Variants in DENND1A observed in about 807,000 individuals in gnomAD.
DENND1A encodes DENN domain containing 1A, also known as DENN domain-containing protein 1A.
In DENND1A, 51 loss-of-function variants were observed where a neutral mutation model predicts 113.7. That is an observed-to-expected ratio of 0.45 (90% CI 0.36 to 0.57). The LOEUF is 0.57. Among genes scored for constraint, DENND1A ranks in the 20% least tolerant of loss-of-function variants. The probability of loss-of-function intolerance (pLI) is 0.00; values close to 1 mark genes in which losing one functional copy is unlikely to be tolerated. For synonymous variants in DENND1A, 565 were observed against 570.8 expected, an observed-to-expected ratio of 0.99 and a Z score of 0.14; for missense variants, 1,258 against 1,395.9, an observed-to-expected ratio of 0.90 and a Z score of 1.57.
chr9:123,623,703 C>T (rs969672604), intron 10 of DENND1A, among the ~76,000 whole-genome samples: 41 of 152,178 alleles, frequency 2.7e-4, no homozygotes, highest in African/African-American at 9.9e-4. Context: ...ATTGGTCCTC[C>T]ACATAATGGT....
chr9:123,864,977 A>C (rs1046720780), intron 2 of DENND1A, among the ~76,000 whole-genome samples: 27 of 152,090 alleles, frequency 1.8e-4, no homozygotes, highest in African/African-American at 6.0e-4. Context: ...ATATTCTTAG[A>C]CTGAGCATGA....
intron 2 of DENND1A, among the ~76,000 whole-genome samples, chr9:123,823,675 T>C (rs895979484): frequency 3.3e-5 from 5 of 152,142 alleles, no homozygotes; most frequent in African/African-American, 1.2e-4. Flanking sequence ...AAATGAAATA[T>C]AAGATTAGCT....
intron 5 of DENND1A, among the ~76,000 whole-genome samples, chr9:123,693,565 C>T (rs543159749): frequency 6.6e-6 from 1 of 151,968 alleles, no homozygotes; most frequent in South Asian, 2.1e-4. Context: ...CAGTACATAG[C>T]CTTTTAAGTC....
chr9:123,693,833 A>ATTATT (rs1554962972), intron 5 of DENND1A, among the ~76,000 whole-genome samples: 21 of 147,470 alleles, frequency 1.4e-4, no homozygotes, highest in Admixed American at 2.0e-4. Flanking sequence ...TATTATTATT[A>ATTATT]TTATTATTAT....
At chr9:123,900,853 T>C (rs1355511545) in intron 1 of DENND1A, among the ~76,000 whole-genome samples, 1 of 152,246 alleles carries the variant, frequency 6.6e-6, no homozygotes, top group South Asian at 2.1e-4. Flanking sequence ...TCTCTGTGAC[T>C]TTCTCATCTG....
chr9:123,606,431 C>T (rs2060157731), intron 11 of DENND1A, among the ~76,000 whole-genome samples: 2 of 152,198 alleles, frequency 1.3e-5, no homozygotes, highest in Admixed American at 1.3e-4. Context: ...TCCCTTAACG[C>T]CCTTCAAAGG....
chr9:123,831,007 G>A (rs1467386058), intron 2 of DENND1A, among the ~76,000 whole-genome samples: 1 of 150,926 alleles, frequency 6.6e-6, no homozygotes, highest in African/African-American at 2.4e-5. Flanking sequence ...AGGATTAGAA[G>A]AGGAAATAAA....
intron 5 of DENND1A, among the ~76,000 whole-genome samples, chr9:123,717,836 A>G (rs2067079550): frequency 6.6e-6 from 1 of 152,212 alleles, no homozygotes; most frequent in South Asian, 2.1e-4. Flanking sequence ...GAAATGCTAA[A>G]CAGTGTGTAG....
chr9:123,483,973 G>A (rs1165200343), intron 13 of DENND1A, among the ~76,000 whole-genome samples: 1 of 152,180 alleles, frequency 6.6e-6, no homozygotes, highest in Non-Finnish European at 1.5e-5. Context: ...AAACGGGTTA[G>A]TGTCTCCTGG....
At position 123,914,970 on chromosome 9, in the gene DENND1A, T is replaced by C. The variant is rs532255720; in HGVS notation, c.17+14919A>G. Among the ~76,000 whole-genome samples, 234 of 152,138 alleles carry C rather than the reference T, an allele frequency of 1.5e-3. 9 individuals are homozygous for C. The South Asian group carries it at 0.046, about 30-fold the overall frequency. On this transcript the variant is annotated intron_variant, in intron 1 of 23. Coordinates refer to ENST00000394215, the MANE Select transcript of DENND1A (RefSeq NM_001352964.2). ...TCCCAAGCTCAGGAGCCATGCTGAT[T>C]ATAACATCATCAGTTGCCAGGTTCT...
chr9:123,813,753 CT>C (rs1452094848), intron 2 of DENND1A, among the ~76,000 whole-genome samples: 3 of 152,118 alleles, frequency 2.0e-5, no homozygotes, highest in African/African-American at 7.2e-5. Context: ...TTTCTACCAG[CT>C]TTTTTAATAC....
At chr9:123,809,978 T>C (rs1468759384) in intron 2 of DENND1A, among the ~76,000 whole-genome samples, 1 of 152,196 alleles carries the variant, frequency 6.6e-6, no homozygotes, top group Non-Finnish European at 1.5e-5. Flanking sequence ...TGGTCAACAA[T>C]GAGAATTTTA....
intron 11 of DENND1A, among the ~76,000 whole-genome samples, chr9:123,602,973 G>T (rs2059998030): frequency 6.6e-6 from 1 of 152,216 alleles, no homozygotes; most frequent in Non-Finnish European, 1.5e-5. Context: ...TTCTTGTGAG[G>T]ACACATATAC....
Position 123,440,469 on chromosome 9 carries a change from G to A in DENND1A, c.1379C>T (p.Ala460Val). Residue 460 changes from alanine to valine, a missense_variant, in exon 19 of 24, where the codon GCC becomes GTC. Physicochemically the swap from Ala to Val is moderately conservative, Grantham distance 64. Coordinates refer to ENST00000394215, the MANE Select transcript of DENND1A (RefSeq NM_001352964.2). ...KQKDIAENGC[A>V]PTPEEQLPKT... Reference sequence around the variant, plus strand: ...TGGCAGCTGCTCTTCTGGGGTGGGGGCGCAGCCATTCTCGGCAATGTCCTG... The same window carrying A: ...TGGCAGCTGCTCTTCTGGGGTGGGGACGCAGCCATTCTCGGCAATGTCCTG... 1.3e-6 allele frequency: 2 copies of A among 1,570,688 alleles called. No individual in the cohort carries two copies. Among genetic ancestry groups the A allele is most frequent in the Admixed American group, 2.1e-5 (1 of 47,484 alleles).
intron 18 of DENND1A, among the ~76,000 whole-genome samples, chr9:123,449,768 T>G (rs1164099965): frequency 2.0e-5 from 3 of 152,128 alleles, no homozygotes; most frequent in African/African-American, 7.2e-5. Flanking sequence ...TTGTATGTTA[T>G]CACTCACAAG....
intron 1 of DENND1A, among the ~76,000 whole-genome samples, chr9:123,884,589 C>A (rs1848750242): frequency 6.6e-6 from 1 of 152,068 alleles, no homozygotes; most frequent in Non-Finnish European, 1.5e-5. Context: ...GCTCTCTAAG[C>A]AAACCATGCA....
chr9:123,470,595 T>C (rs10739634), intron 13 of DENND1A, among the ~76,000 whole-genome samples: 148,800 of 152,280 alleles, frequency 0.98, 72,766 homozygotes, highest in Middle Eastern at 1. Context: ...GCAGAACCCA[T>C]GTAGCTGCAG....
chr9:123,496,821 G>A (rs1300350112), intron 13 of DENND1A, among the ~76,000 whole-genome samples: 4 of 152,198 alleles, frequency 2.6e-5, no homozygotes, highest in African/African-American at 7.2e-5. Context: ...GTGTGCTGCC[G>A]GTGCCCTTGG....
chr9:123,759,430 TTAC>T (rs1412657348), intron 4 of DENND1A: 2 of 152,192 alleles, frequency 1.3e-5, no homozygotes, highest in East Asian at 3.8e-4. Context: ...GTTATTATTA[TTAC>T]TATTACTTTG....
Sources: allele counts gnomAD v4.1 joint callset (sites outside exome capture counted in the v4.1 genomes callset), GRCh38; gene constraint gnomAD v4.1.1; transcripts MANE v1.5; gene names NCBI Gene and HGNC (gene_info 2026-07-23, HGNC 2026-07-21).